The following ACTN4 variants were observed in gnomAD, a reference collection of about 807,000 sequenced individuals.
The protein encoded by ACTN4 is alpha-actinin-4.
In ACTN4, 18 loss-of-function variants were observed where a neutral mutation model predicts 114.2. That is an observed-to-expected ratio of 0.16 (90% CI 0.11 to 0.23). The LOEUF is 0.23. Ranked by LOEUF, ACTN4 falls within the 10% of genes least tolerant of loss-of-function variation. The pLI, the probability that ACTN4 is intolerant of heterozygous loss-of-function variation, is 1.00. For missense variants in ACTN4, 722 were observed against 1,262.9 expected (o/e 0.57, Z 6.49); for synonymous variants, 515 against 506.3 (o/e 1.02, Z -0.23).
chr19:38,711,869 C>T lies in ACTN4; in HGVS notation c.819+1527C>T, dbSNP rs190357272. 1.6e-3 allele frequency among the ~76,000 whole-genome samples: 237 copies of T among 152,368 alleles called. 1 individual carries two copies. The highest frequency in any genetic ancestry group is 0.013 in the Admixed American group (195 of 15,308). The stretch of plus-strand genomic sequence containing the variant: ...CCCTCCAGAGGCCAGGCAGAGCCCA[C>T]AGAGCTTGCGTGGCAGTGGCCGCCC... On this transcript the variant is annotated intron_variant, in intron 8 of 20. Transcript: ENST00000252699.
intron 9 of ACTN4, among the ~76,000 whole-genome samples, chr19:38,716,567 C>T (rs944309375): frequency 2.0e-5 from 3 of 152,220 alleles, no homozygotes; most frequent in Admixed American, 6.5e-5. Flanking sequence ...GGCATGGTGG[C>T]TCACCCCTGT....
intron 1 of ACTN4, among the ~76,000 whole-genome samples, chr19:38,690,613 T>G (rs953802242): frequency 2.0e-5 from 3 of 152,138 alleles, no homozygotes; most frequent in African/African-American, 7.2e-5. Context: ...ACTACCAACT[T>G]GGGAGCTCTA....
At chr19:38,720,096 G>T (rs1198920221) in intron 11 of ACTN4, among the ~76,000 whole-genome samples, 1 of 152,214 alleles carries the variant, frequency 6.6e-6, no homozygotes, top group African/African-American at 2.4e-5. Flanking sequence ...AACAGGACAG[G>T]CAGGCCCTCC....
chr19:38,722,010 T>C, intron 12 of ACTN4: 1 of 440,312 alleles, frequency 2.3e-6, no homozygotes, highest in Non-Finnish European at 4.2e-6. Context: ...TAGGCCCTGG[T>C]CCCCTGATGG....
At chr19:38,675,718 GT>G (rs1967352543) in intron 1 of ACTN4, among the ~76,000 whole-genome samples, 1 of 152,206 alleles carries the variant, frequency 6.6e-6, no homozygotes. Flanking sequence ...CTACCACAAG[GT>G]TTCCTGATGA....
chr19:38,678,368 C>T (rs895816124), intron 1 of ACTN4, among the ~76,000 whole-genome samples: 3 of 152,142 alleles, frequency 2.0e-5, no homozygotes, highest in African/African-American at 7.2e-5. Flanking sequence ...GACCTAAGAA[C>T]ACAGCCCTGT....
At chr19:38,726,431 G>A (rs1263022077) in intron 17 of ACTN4, among the ~76,000 whole-genome samples, 1 of 152,190 alleles carries the variant, frequency 6.6e-6, no homozygotes, top group Non-Finnish European at 1.5e-5. Context: ...AGAGGGCACC[G>A]TTTGCCCTGT....
chr19:38,702,789 A>G (rs1599823472), intron 3 of ACTN4, among the ~76,000 whole-genome samples: 1 of 151,856 alleles, frequency 6.6e-6, no homozygotes, highest in Non-Finnish European at 1.5e-5. Context: ...GCTCATGGAC[A>G]CCCCCTTCCT....
At chr19:38,654,208 A>G (rs1039743874) in intron 1 of ACTN4, among the ~76,000 whole-genome samples, 1 of 152,230 alleles carries the variant, frequency 6.6e-6, no homozygotes, top group Non-Finnish European at 1.5e-5. Flanking sequence ...CTGTTTAAAG[A>G]AGGATCTTAT....
rs551707614 is a variant in ACTN4, at chr19:38,672,320, A to T, written c.162+24413A>T. On this transcript the variant is annotated intron_variant, in intron 1 of 20. Transcript: ENST00000252699. The stretch of plus-strand genomic sequence containing the variant: ...CAGTGGCGTGATATCGGCTTACTGC[A>T]ACCTCCACCTCCCAGGTTCAAGCAA... Among the ~76,000 whole-genome samples, 509 of 143,198 alleles carry T rather than the reference A, an allele frequency of 3.6e-3. 1 individual carries two copies. The highest frequency in any genetic ancestry group is 5.1e-3 in the Non-Finnish European group (342 of 66,944). The allele number at this position is 143,198 out of a possible 152,430, so 93.9% of individuals were successfully genotyped here.
At chr19:38,661,275 C>CTAG (rs1462390991) in intron 1 of ACTN4, among the ~76,000 whole-genome samples, 1 of 152,222 alleles carries the variant, frequency 6.6e-6, no homozygotes, top group Non-Finnish European at 1.5e-5. Context: ...CCAGAACTGA[C>CTAG]TTCTAAAGTG....
chr19:38,677,002 C>T (rs1001012720), intron 1 of ACTN4, among the ~76,000 whole-genome samples: 13 of 152,174 alleles, frequency 8.5e-5, no homozygotes, highest in African/African-American at 3.1e-4. Flanking sequence ...CTCTGTGCTC[C>T]GGGCGCATGC....
chr19:38,681,900 G>A (rs748474602), intron 1 of ACTN4, among the ~76,000 whole-genome samples: 5 of 152,094 alleles, frequency 3.3e-5, no homozygotes, highest in Admixed American at 6.5e-5. Flanking sequence ...GCGCCATCTC[G>A]GCTTACTGCA....
intron 1 of ACTN4, among the ~76,000 whole-genome samples, chr19:38,683,686 G>T (rs1045687098): frequency 1.3e-5 from 2 of 152,330 alleles, no homozygotes; most frequent in South Asian, 4.1e-4. Flanking sequence ...TCCGGGAACC[G>T]ATTTGGTATG....
rs1663588587 is a variant in ACTN4 at position 38,707,873 on chromosome 19, C to T, written c.573-244C>T. 2.6e-5 allele frequency among the ~76,000 whole-genome samples: 4 copies of T among 152,202 alleles called. No individual in the cohort carries two copies. In the South Asian group the frequency reaches 8.3e-4, roughly 31 times the overall value. ...ATCCCCATCATACAGATGTGGAAAC[C>T]GAGATAGCCTGGCTTACCCGAGGTC... On this transcript the variant is annotated intron_variant, in intron 5 of 20. Coordinates refer to ENST00000252699, the MANE Select transcript of ACTN4 (RefSeq NM_004924.6).
rs1432052395 is a variant in ACTN4, at chr19:38,727,801, C to T, written c.2338-145C>T. 1 of 750,066 alleles carries T rather than the reference C, an allele frequency of 1.3e-6. No individual in the cohort carries two copies. Among genetic ancestry groups the T allele is most frequent in the Non-Finnish European group, 2.3e-6 (1 of 444,058 alleles). The allele number at this position is 750,066 out of a possible 1,614,324, so 46.5% of individuals were successfully genotyped here. A position where few individuals can be genotyped will look rare whatever the true frequency, so the allele number is the denominator to read the frequency against. ...CGCCCCCGACCCCACGTGTCCCTGGCCATCTCCTTGTCCATGTTGCCTCTA... is the reference window on the plus strand; with the variant it reads ...CGCCCCCGACCCCACGTGTCCCTGGTCATCTCCTTGTCCATGTTGCCTCTA... On this transcript the variant is annotated intron_variant, in intron 18 of 20. Transcript: ENST00000252699. The surrounding 1 kb of genome is among the most constrained non-coding windows in gnomAD (Gnocchi z 5.4).
Position 38,729,594 on chromosome 19 carries a change from C to G in ACTN4, c.*162C>G, listed in dbSNP as rs1568754946. ...GGCTGGGGCAGGCTCTCTCCTCTCT[C>G]TCTTTGTGGGTTGGCCAGGAGGTTC... On this transcript the variant is annotated 3_prime_UTR_variant, in exon 21 of 21. Transcript: ENST00000252699. 3 of 1,054,354 alleles carry G rather than the reference C, an allele frequency of 2.8e-6. No individual in the cohort carries two copies. The highest frequency in any genetic ancestry group is 3.2e-5 in the African/African-American group (2 of 63,456). 65.3% of individuals were successfully genotyped at this position (1,054,354 alleles called of 1,614,324 possible). A position where few individuals can be genotyped will look rare whatever the true frequency, so the allele number is the denominator to read the frequency against.
chr19:38,655,033 G>T (rs767144313), intron 1 of ACTN4, among the ~76,000 whole-genome samples: 3 of 152,046 alleles, frequency 2.0e-5, no homozygotes, highest in Non-Finnish European at 4.4e-5. Flanking sequence ...AGGCTCCCCA[G>T]CCAGAGCAGT....
chr19:38,678,754 G>A (rs759489607), intron 1 of ACTN4, among the ~76,000 whole-genome samples: 5 of 152,130 alleles, frequency 3.3e-5, no homozygotes, highest in Admixed American at 1.3e-4. Flanking sequence ...GACCAATCCC[G>A]TGGAATCAGC....
Sources: allele counts gnomAD v4.1 joint callset (sites outside exome capture counted in the v4.1 genomes callset), GRCh38; gene constraint gnomAD v4.1.1; non-coding constraint Gnocchi (gnomAD v3.1); transcripts MANE v1.5; gene names NCBI Gene and HGNC (gene_info 2026-07-23, HGNC 2026-07-21).